FOXP1: variants seen among roughly 807,000 people sequenced by gnomAD.
FOXP1 encodes the protein forkhead box protein P1.
FOXP1 carries 15 observed loss-of-function variants against 98.2 expected under a neutral mutation model. That is an observed-to-expected ratio of 0.15 (90% CI 0.10 to 0.24). FOXP1 has a LOEUF of 0.24. Among genes scored for constraint, FOXP1 ranks in the 10% least tolerant of loss-of-function variants. The pLI, the probability that FOXP1 is intolerant of heterozygous loss-of-function variation, is 1.00. For synonymous variants in FOXP1, 371 were observed against 314.5 expected (o/e 1.18, Z -1.90); for missense variants, 633 against 848.5 (o/e 0.75, Z 3.15).
chr3:71,021,242 T>A (rs1350797540), intron 11 of FOXP1, among the ~76,000 whole-genome samples: 1 of 152,190 alleles, frequency 6.6e-6, no homozygotes, highest in Non-Finnish European at 1.5e-5. Flanking sequence ...AATCTTTCTG[T>A]CTCTAGAGGT....
intron 3 of FOXP1, among the ~76,000 whole-genome samples, chr3:71,417,805 G>A (rs1206728859): frequency 6.6e-6 from 1 of 152,054 alleles, no homozygotes; most frequent in African/African-American, 2.4e-5. Context: ...GCCAAATAAA[G>A]GAACTCTCAA....
At chr3:71,067,988 A>AT (rs1553721698) in intron 7 of FOXP1, among the ~76,000 whole-genome samples, 51 of 112,482 alleles carry the variant, frequency 4.5e-4, no homozygotes, top group East Asian at 2.1e-3. Context: ...CTGGATAATT[A>AT]TAAAAAAAAA....
intron 6 of FOXP1, among the ~76,000 whole-genome samples, chr3:71,118,115 C>T (rs1331139988): frequency 2.0e-5 from 3 of 152,144 alleles, no homozygotes; most frequent in South Asian, 4.1e-4. Context: ...TCATGGTCCA[C>T]GGCCAGCTCT....
chr3:71,428,815 G>A lies in FOXP1; in HGVS notation c.-168+64611C>T, dbSNP rs191179677. ...ACTTGAAGGGGAACATTGGAAAGAA[G>A]GGGTTAAGCACACACTTCACCTTGG... is the stretch of plus-strand genomic sequence containing the variant. On this transcript the variant is annotated intron_variant, in intron 3 of 20. Coordinates refer to ENST00000649528, the MANE Select transcript of FOXP1 (RefSeq NM_001349338.3). 8.5e-5 allele frequency among the ~76,000 whole-genome samples: 13 copies of A among 152,324 alleles called. No individual in the cohort carries two copies. The East Asian group carries it at 1.7e-3, about 20-fold the overall frequency.
At chr3:71,423,000 G>C (rs886697604) in intron 3 of FOXP1, among the ~76,000 whole-genome samples, 1 of 152,070 alleles carries the variant, frequency 6.6e-6, no homozygotes, top group African/African-American at 2.4e-5. Context: ...ACTCATTCAG[G>C]AGCCAGGAAA....
At chr3:70,961,432 T>C (rs539315865) in intron 20 of FOXP1, among the ~76,000 whole-genome samples, 31 of 150,798 alleles carry the variant, frequency 2.1e-4, no homozygotes, top group African/African-American at 7.3e-4. Flanking sequence ...GGTTTCACCA[T>C]ATTGGTGAGG....
At chr3:71,228,446 C>T (rs200756938) in intron 5 of FOXP1, among the ~76,000 whole-genome samples, 208 of 152,204 alleles carry the variant, frequency 1.4e-3, no homozygotes, top group African/African-American at 4.9e-3. Flanking sequence ...CACCACAGGA[C>T]CTTGTATGGA....
chr3:71,447,786 G>T (rs1397524439), intron 3 of FOXP1, among the ~76,000 whole-genome samples: 2 of 152,202 alleles, frequency 1.3e-5, no homozygotes, highest in Non-Finnish European at 2.9e-5. Flanking sequence ...GGGGCAGGGG[G>T]AGAGGGGTTT....
intron 3 of FOXP1, among the ~76,000 whole-genome samples, chr3:71,364,008 G>A (rs940805470): frequency 3.9e-5 from 6 of 152,106 alleles, no homozygotes; most frequent in Non-Finnish European, 8.8e-5. Flanking sequence ...AGCCACCACC[G>A]CTCCAGTCCC....
chr3:71,583,524 G>A (rs1179594920), intron 1 of FOXP1, 47 bp downstream of exon 1: 2 of 982,958 alleles, frequency 2.0e-6, no homozygotes, highest in South Asian at 9.4e-5. Flanking sequence ...CAAGACAGGA[G>A]GCGGCTTGGG....
intron 7 of FOXP1, among the ~76,000 whole-genome samples, chr3:71,101,401 G>A (rs1395931452): frequency 6.6e-6 from 1 of 152,236 alleles, no homozygotes; most frequent in South Asian, 2.1e-4. Flanking sequence ...CAAAGAAACT[G>A]AACTTGGGGG....
chr3:71,323,894 T>C (rs185421246), intron 4 of FOXP1, among the ~76,000 whole-genome samples: 6 of 152,330 alleles, frequency 3.9e-5, no homozygotes, highest in Admixed American at 1.3e-4. Context: ...GTCCCAGCAC[T>C]ACCAGTTATA....
chr3:71,200,209 AAAAGATGTTC>A (rs763748298), intron 5 of FOXP1, among the ~76,000 whole-genome samples: 4 of 152,172 alleles, frequency 2.6e-5, no homozygotes, highest in Non-Finnish European at 4.4e-5. Context: ...CTTGGCTCAG[AAAAGATGTTC>A]AAAGATGAGA....
intron 3 of FOXP1, among the ~76,000 whole-genome samples, chr3:71,399,414 C>T: frequency 6.6e-6 from 1 of 152,132 alleles, no homozygotes; most frequent in East Asian, 1.9e-4. Flanking sequence ...ACCCTTTATT[C>T]CACCATCTCC....
chr3:71,219,537 T>C (rs538147875), intron 5 of FOXP1, among the ~76,000 whole-genome samples: 1 of 152,350 alleles, frequency 6.6e-6, no homozygotes, highest in East Asian at 1.9e-4. Context: ...GTAAGTTTTA[T>C]GAAATCGAAA....
chr3:71,121,891 C>T (rs2058802678), intron 6 of FOXP1, among the ~76,000 whole-genome samples: 3 of 152,090 alleles, frequency 2.0e-5, no homozygotes, highest in African/African-American at 7.3e-5. Context: ...AACTTGGGGT[C>T]AAATGCAAGG....
rs148369068 is a variant in FOXP1, at chr3:71,053,767, C to A, written c.289G>T (p.Val97Leu). Reference protein sequence around the residue: ...NDKQPALQVPVSVAMMTPQVI... With the variant: ...NDKQPALQVPLSVAMMTPQVI... ...TGAGGTGTCATCATAGCCACTGACA[C>A]GGGAACCTAGAATGTTAATGAAGGA... The change falls in exon 8 of 21, where the codon GTG becomes TTG. Residue 97 changes from valine to leucine, a missense_variant. Val to Leu is a conservative substitution (Grantham distance 32, BLOSUM62 1). This residue lies in a region of FOXP1 where 210 missense variants were observed against 270.6 expected (regional missense o/e 0.78). Coordinates refer to ENST00000649528, the MANE Select transcript of FOXP1 (RefSeq NM_001349338.3). 1 of 1,613,790 alleles carries A rather than the reference C, an allele frequency of 6.2e-7. No homozygotes were observed. The highest frequency in any genetic ancestry group is 8.5e-7 in the Non-Finnish European group (1 of 1,179,946).
intron 11 of FOXP1, among the ~76,000 whole-genome samples, chr3:71,030,211 T>C (rs1438810111): frequency 6.6e-6 from 1 of 152,194 alleles, no homozygotes; most frequent in African/African-American, 2.4e-5. Context: ...GATAATCATG[T>C]TGGGTTCTGA....
intron 3 of FOXP1, among the ~76,000 whole-genome samples, chr3:71,442,270 A>G (rs1050841670): frequency 6.6e-6 from 1 of 151,976 alleles, no homozygotes; most frequent in Non-Finnish European, 1.5e-5. Flanking sequence ...AGCCAACCAG[A>G]CTGAGTTGCT....
Sources: allele counts gnomAD v4.1 joint callset (sites outside exome capture counted in the v4.1 genomes callset), GRCh38; gene constraint gnomAD v4.1.1; regional missense constraint gnomAD v4.1.1; transcripts MANE v1.5; gene names NCBI Gene and HGNC (gene_info 2026-07-23, HGNC 2026-07-21).